TMEM38B: variants seen among roughly 807,000 people sequenced by gnomAD.
TMEM38B encodes the protein trimeric intracellular cation channel type B.
TMEM38B carries 24 observed loss-of-function variants against 28.7 expected under a neutral mutation model. The observed-to-expected ratio is 0.84, with a 90% CI of 0.61 to 1.18. The LOEUF (loss-of-function observed/expected upper bound fraction) is 1.18. Ranked by LOEUF, TMEM38B falls within the 50% of genes most tolerant of loss-of-function variation. The probability of loss-of-function intolerance (pLI) is 0.00; values close to 1 mark genes in which losing one functional copy is unlikely to be tolerated. For synonymous variants in TMEM38B, 131 were observed against 127.7 expected (o/e 1.03, Z -0.17); for missense variants, 380 against 350.9 (o/e 1.08, Z -0.66).
chr9:105,748,228 G>A (rs560419280), intron 5 of TMEM38B, 38 bp downstream of exon 5: 14 of 1,424,694 alleles, frequency 9.8e-6, no homozygotes, highest in East Asian at 4.6e-5. Context: ...TACAAATCCT[G>A]TATAACTATT....
intron 4 of TMEM38B, among the ~76,000 whole-genome samples, chr9:105,743,606 A>G (rs1837283043): frequency 6.6e-6 from 1 of 152,192 alleles, no homozygotes; most frequent in Non-Finnish European, 1.5e-5. Context: ...AAGCATTAAT[A>G]TATTAGCTAA....
chr9:105,762,517 T>C (rs1473030554), intron 5 of TMEM38B, among the ~76,000 whole-genome samples: 3 of 149,334 alleles, frequency 2.0e-5, no homozygotes, highest in African/African-American at 4.9e-5. Flanking sequence ...GTTTGGTTTT[T>C]TGTCCTTGCG....
intron 1 of TMEM38B, among the ~76,000 whole-genome samples, chr9:105,702,142 G>C (rs539436529): frequency 6.6e-6 from 1 of 152,270 alleles, no homozygotes; most frequent in Admixed American, 6.5e-5. Context: ...GTAAGCCTCT[G>C]TTGCTTACGT....
At chr9:105,716,766 C>G (rs1836114636) in intron 2 of TMEM38B, among the ~76,000 whole-genome samples, 1 of 152,164 alleles carries the variant, frequency 6.6e-6, no homozygotes, top group Non-Finnish European at 1.5e-5. Flanking sequence ...TCCACTTCCA[C>G]TTAATGAATA....
chr9:105,731,146 A>T (rs1836726721), intron 4 of TMEM38B, among the ~76,000 whole-genome samples: 1 of 151,642 alleles, frequency 6.6e-6, no homozygotes, highest in African/African-American at 2.4e-5. Context: ...AATTCTTTTA[A>T]TTGTGATCTT....
At chr9:105,753,654 C>G (rs1396204824) in intron 5 of TMEM38B, among the ~76,000 whole-genome samples, 1 of 152,148 alleles carries the variant, frequency 6.6e-6, no homozygotes, top group Non-Finnish European at 1.5e-5. Context: ...TTTGCAAGAG[C>G]TCCTGAAGGA....
intron 5 of TMEM38B, among the ~76,000 whole-genome samples, chr9:105,757,289 C>G (rs1837867344): frequency 1.3e-5 from 2 of 152,184 alleles, no homozygotes; most frequent in Non-Finnish European, 2.9e-5. Context: ...ATACATACCA[C>G]ATTTTCTTTA....
At chr9:105,748,402 C>A (rs1052095068) in intron 5 of TMEM38B, among the ~76,000 whole-genome samples, 1 of 151,898 alleles carries the variant, frequency 6.6e-6, no homozygotes, top group Non-Finnish European at 1.5e-5. Context: ...GCTATCAGGA[C>A]ACAGTGGCAG....
intron 4 of TMEM38B, among the ~76,000 whole-genome samples, chr9:105,724,043 C>T (rs1157388940): frequency 1.1e-4 from 16 of 150,914 alleles, no homozygotes; most frequent in Admixed American, 9.2e-4. Context: ...ACCATGTTGG[C>T]CAGGCTGGCC....
At chr9:105,733,246 A>G (rs1326373156) in intron 4 of TMEM38B, among the ~76,000 whole-genome samples, 1 of 152,154 alleles carries the variant, frequency 6.6e-6, no homozygotes, top group African/African-American at 2.4e-5. Flanking sequence ...GCTATCTATT[A>G]GGTCTGCTCA....
chr9:105,748,200 C>A lies in TMEM38B; in HGVS notation c.660+10C>A. 1 of 1,562,392 alleles carries A rather than the reference C, an allele frequency of 6.4e-7. No homozygotes were observed. Among genetic ancestry groups the A allele is most frequent in the Non-Finnish European group, 8.8e-7 (1 of 1,134,098 alleles). Reference sequence around the variant, plus strand: ...TATTGTGGCCACAAAGGTAAGAATTCAAAGTACCTATAATTATTACAAATC... The same window carrying A: ...TATTGTGGCCACAAAGGTAAGAATTAAAAGTACCTATAATTATTACAAATC... On this transcript the variant is annotated intron_variant, in intron 5 of 5. Transcript: ENST00000374692.
intron 5 of TMEM38B, among the ~76,000 whole-genome samples, chr9:105,754,602 C>A (rs980748810): frequency 2.0e-5 from 3 of 152,082 alleles, no homozygotes; most frequent in African/African-American, 7.2e-5. Flanking sequence ...GACAGCATAC[C>A]AGAAACTCTG....
In TMEM38B at chr9:105,748,201, A is replaced by C; in HGVS notation, c.660+11A>C. 6.4e-7 allele frequency: 1 copy of C among 1,566,068 alleles called. No individual in the cohort carries two copies. Among genetic ancestry groups the C allele is most frequent in the Non-Finnish European group, 8.8e-7 (1 of 1,137,332 alleles). ...ATTGTGGCCACAAAGGTAAGAATTC[A>C]AAGTACCTATAATTATTACAAATCC... On this transcript the variant is annotated intron_variant, in intron 5 of 5. Coordinates refer to ENST00000374692, the MANE Select transcript of TMEM38B (RefSeq NM_018112.3).
chr9:105,704,410 A>C (rs980568592), intron 1 of TMEM38B, among the ~76,000 whole-genome samples: 1 of 152,094 alleles, frequency 6.6e-6, no homozygotes, highest in African/African-American at 2.4e-5. Context: ...ATAAATAAAT[A>C]AGTAATTAAG....
At chr9:105,736,684 G>T (rs761816978) in intron 4 of TMEM38B, among the ~76,000 whole-genome samples, 14 of 151,992 alleles carry the variant, frequency 9.2e-5, no homozygotes, top group Non-Finnish European at 2.1e-4. Flanking sequence ...CCTATTTTGT[G>T]TGTCCTGTCC....
chr9:105,748,001 G>A, intron 4 of TMEM38B, 72 bp from the exon 5 acceptor site: 1 of 1,005,816 alleles, frequency 9.9e-7, no homozygotes, highest in Non-Finnish European at 1.6e-6. Flanking sequence ...ATGTTTTGCA[G>A]TGCACTCTTT....
intron 1 of TMEM38B, among the ~76,000 whole-genome samples, chr9:105,703,304 G>C (rs2133549138): frequency 6.6e-6 from 1 of 152,274 alleles, no homozygotes; most frequent in East Asian, 1.9e-4. Context: ...GGCCAACATG[G>C]TGGAACTCTG....
chr9:105,754,224 C>T (rs535267239), intron 5 of TMEM38B, among the ~76,000 whole-genome samples: 1 of 152,254 alleles, frequency 6.6e-6, no homozygotes, highest in South Asian at 2.1e-4. Context: ...AATATTAGAT[C>T]ATTGAGACAG....
intron 3 of TMEM38B, 47 bp downstream of exon 3, chr9:105,721,768 T>G (rs537113605): frequency 7.1e-7 from 1 of 1,402,286 alleles, no homozygotes; most frequent in East Asian, 2.3e-5. Context: ...GTTGGTGTAT[T>G]ATTAATACCA....
Sources: gnomAD v4.1 joint callset for allele counts (sites outside exome capture counted in the v4.1 genomes callset) on GRCh38, gnomAD v4.1.1 for gene constraint, MANE v1.5 for transcripts, NCBI Gene and HGNC (gene_info 2026-07-23, HGNC 2026-07-21) for gene names.